Variants in SNX24 observed in about 807,000 individuals in gnomAD.
SNX24 encodes the protein sorting nexin-24.
SNX24 carries 22 observed loss-of-function variants against 28.7 expected under a neutral mutation model. That is an observed-to-expected ratio of 0.77 (90% CI 0.55 to 1.10). SNX24 has a LOEUF of 1.10. Among genes scored for constraint, SNX24 ranks in the 50% least tolerant of loss-of-function variants. The pLI is 0.00. For synonymous variants in SNX24, 69 were observed against 71.5 expected (o/e 0.96, Z 0.18); for missense variants, 221 against 201.1 (o/e 1.10, Z -0.60).
At chr5:122,874,953 A>G (rs575754699) in intron 1 of SNX24, among the ~76,000 whole-genome samples, 68 of 152,216 alleles carry the variant, frequency 4.5e-4, no homozygotes, top group Admixed American at 7.2e-4. Context: ...GCTAGTGTTG[A>G]TATTTGTTTC....
At chr5:122,900,827 C>T (rs1757410021) in intron 1 of SNX24, among the ~76,000 whole-genome samples, 1 of 151,844 alleles carries the variant, frequency 6.6e-6, no homozygotes, top group Non-Finnish European at 1.5e-5. Flanking sequence ...TTTTTAAAGA[C>T]CTAAGAGCCA....
chr5:122,970,703 C>T (rs246326), intron 3 of SNX24, among the ~76,000 whole-genome samples: 26,443 of 152,178 alleles, frequency 0.17, 2,854 homozygotes, highest in East Asian at 0.48. Context: ...CTCCTGACCT[C>T]GTGATCCGCC....
intron 3 of SNX24, among the ~76,000 whole-genome samples, chr5:122,969,131 A>C (rs1760841569): frequency 6.6e-6 from 1 of 152,100 alleles, no homozygotes; most frequent in African/African-American, 2.4e-5. Flanking sequence ...ATTTAAAGAT[A>C]TTCTTTTTGT....
intron 1 of SNX24, among the ~76,000 whole-genome samples, chr5:122,852,431 C>T (rs1172930283): frequency 1.3e-5 from 2 of 151,940 alleles, no homozygotes; most frequent in African/African-American, 4.8e-5. Flanking sequence ...CAGTCTTGAC[C>T]TCCCCAGGCT....
Position 123,008,178 on chromosome 5 carries a change from G to A in SNX24, c.*429G>A, listed in dbSNP as rs1029704572. 59 of 986,926 alleles carry A rather than the reference G, an allele frequency of 6.0e-5. No individual in the cohort carries two copies. Among genetic ancestry groups the A allele is most frequent in the East Asian group, 1.1e-4 (1 of 8,864 alleles). The allele number at this position is 986,926 out of a possible 1,614,324, so 61.1% of individuals were successfully genotyped here. ...CTTATGACACACTACTCTTCTCACC[G>A]TGAGATTTTCTCAGCCAGTGATAGT... On this transcript the variant is annotated 3_prime_UTR_variant, in exon 7 of 7. Transcript: ENST00000261369.
At chr5:122,897,120 C>T (rs1038939575) in intron 1 of SNX24, among the ~76,000 whole-genome samples, 8 of 152,174 alleles carry the variant, frequency 5.3e-5, no homozygotes, top group African/African-American at 1.9e-4. Flanking sequence ...AACGTATCTA[C>T]TTCAGAGGCC....
chr5:122,927,427 A>G (rs1758751926), intron 1 of SNX24, among the ~76,000 whole-genome samples: 2 of 152,192 alleles, frequency 1.3e-5, no homozygotes, highest in South Asian at 4.2e-4. Flanking sequence ...CTGTGGGAAA[A>G]TTTGTGCTGA....
chr5:122,875,088 A>G (rs1408150353), intron 1 of SNX24, among the ~76,000 whole-genome samples: 1 of 152,214 alleles, frequency 6.6e-6, no homozygotes, highest in East Asian at 1.9e-4. Context: ...TATACCACTA[A>G]AGCAAACAAA....
At chr5:122,870,200 T>G (rs1450512118) in intron 1 of SNX24, among the ~76,000 whole-genome samples, 1 of 152,216 alleles carries the variant, frequency 6.6e-6, no homozygotes, top group Non-Finnish European at 1.5e-5. Flanking sequence ...ACAAAGCTTT[T>G]TAGTCTCTAT....
chr5:123,004,047 G>C (rs1762336393), intron 6 of SNX24, among the ~76,000 whole-genome samples: 1 of 152,146 alleles, frequency 6.6e-6, no homozygotes, highest in African/African-American at 2.4e-5. Flanking sequence ...TTGTTATGAT[G>C]CCTCTTAGCA....
intron 3 of SNX24, among the ~76,000 whole-genome samples, chr5:122,990,363 A>T (rs527516716): frequency 6.6e-6 from 1 of 152,240 alleles, no homozygotes; most frequent in Admixed American, 6.5e-5. Context: ...ATTTAAAAAA[A>T]TGATGTTAGC....
chr5:122,880,112 A>G (rs1305928179), intron 1 of SNX24, among the ~76,000 whole-genome samples: 1 of 152,220 alleles, frequency 6.6e-6, no homozygotes, highest in Non-Finnish European at 1.5e-5. Flanking sequence ...AATACCACAC[A>G]TAAAGTTTCA....
intron 1 of SNX24, among the ~76,000 whole-genome samples, chr5:122,888,181 A>G (rs935973473): frequency 6.6e-6 from 1 of 151,826 alleles, no homozygotes; most frequent in Non-Finnish European, 1.5e-5. Flanking sequence ...TTTTTTGATT[A>G]TTTGTTGACT....
intron 1 of SNX24, among the ~76,000 whole-genome samples, chr5:122,875,782 G>A (rs1581695135): frequency 1.3e-5 from 2 of 152,142 alleles, no homozygotes; most frequent in South Asian, 2.1e-4. Context: ...CAAAACATGA[G>A]GAACACTTAT....
intron 5 of SNX24, among the ~76,000 whole-genome samples, chr5:123,019,715 A>G (rs1403379286): frequency 6.6e-6 from 1 of 152,264 alleles, no homozygotes; most frequent in Non-Finnish European, 1.5e-5. Context: ...GGTGGTGTCC[A>G]GTGTAAATTT....
intron 1 of SNX24, among the ~76,000 whole-genome samples, chr5:122,853,150 G>A (rs1201064045): frequency 1.0e-5 from 1 of 97,286 alleles, no homozygotes; most frequent in African/African-American, 4.2e-5. Flanking sequence ...TTTTGAGACG[G>A]ATTCTTCGCT....
chr5:122,859,747 G>A (rs1286990505), intron 1 of SNX24, among the ~76,000 whole-genome samples: 1 of 152,122 alleles, frequency 6.6e-6, no homozygotes. Flanking sequence ...AGGTGGTCAG[G>A]GTGCAGCTTG....
chr5:122,961,880 G>A (rs554271374), intron 3 of SNX24, among the ~76,000 whole-genome samples: 38 of 152,244 alleles, frequency 2.5e-4, no homozygotes, highest in Admixed American at 1.9e-3. Flanking sequence ...GGATTTAGCA[G>A]ACAAGTTTGT....
chr5:123,015,577 A>T (rs1208958342), intron 5 of SNX24, among the ~76,000 whole-genome samples: 1 of 152,126 alleles, frequency 6.6e-6, no homozygotes, highest in East Asian at 1.9e-4. Context: ...CATCAGCATC[A>T]CCCAAGAACT....
Sources: gnomAD v4.1 joint callset for allele counts (sites outside exome capture counted in the v4.1 genomes callset) on GRCh38, gnomAD v4.1.1 for gene constraint, MANE v1.5 for transcripts, NCBI Gene and HGNC (gene_info 2026-07-23, HGNC 2026-07-21) for gene names.